Variants in ADGRA3 observed in about 807,000 individuals in gnomAD.
ADGRA3 encodes the protein adhesion G protein-coupled receptor A3.
A neutral mutation model predicts 119.8 loss-of-function variants in ADGRA3; 56 were observed. That is an observed-to-expected ratio of 0.47 (90% CI 0.38 to 0.58). ADGRA3 has a LOEUF of 0.58. Ranked by LOEUF, ADGRA3 falls within the 20% of genes least tolerant of loss-of-function variation. The pLI, the probability that ADGRA3 is intolerant of heterozygous loss-of-function variation, is 0.00. For synonymous variants in ADGRA3, 607 were observed against 623.8 expected, an observed-to-expected ratio of 0.97 and a Z score of 0.40; for missense variants, 1,516 against 1,649.0, an observed-to-expected ratio of 0.92 and a Z score of 1.40.
intron 2 of ADGRA3, among the ~76,000 whole-genome samples, chr4:22,468,493 G>A (rs576261382): frequency 1.3e-5 from 2 of 152,286 alleles, no homozygotes; most frequent in African/African-American, 2.4e-5. Flanking sequence ...GGGACTCGGT[G>A]CGGTGGTTCA....
At chr4:22,426,741 T>C (rs534556565) in intron 10 of ADGRA3, among the ~76,000 whole-genome samples, 1 of 152,324 alleles carries the variant, frequency 6.6e-6, no homozygotes, top group East Asian at 1.9e-4. Flanking sequence ...CAAGGGGTAC[T>C]TCCCCCCAAA....
chr4:22,453,460 T>C (rs1005639824), intron 4 of ADGRA3, among the ~76,000 whole-genome samples: 3 of 152,170 alleles, frequency 2.0e-5, no homozygotes, highest in African/African-American at 7.2e-5. Flanking sequence ...GCACGAACAT[T>C]CTGTTCTACT....
At chr4:22,514,612 C>T (rs1719573497) in intron 1 of ADGRA3, 3 of 152,144 alleles carry the variant, frequency 2.0e-5, no homozygotes, top group African/African-American at 7.2e-5. Flanking sequence ...CATAGAGGAA[C>T]CCCGAGCCAA....
At position 22,498,641 on chromosome 4, in the gene ADGRA3, C is replaced by T. The variant is rs191921792; in HGVS notation, c.257+16887G>A. On this transcript the variant is annotated intron_variant, in intron 1 of 18. Transcript: ENST00000334304. ...CAAAAAAGAAAAAAGGAGGGCCAGG[C>T]GCGGTGGCTCACGCCTGTAATCCCA... Among the ~76,000 whole-genome samples, 336 of 147,684 alleles carry T rather than the reference C, an allele frequency of 2.3e-3. 1 individual carries two copies. The highest frequency in any genetic ancestry group is 7.3e-3 in the African/African-American group (293 of 40,002).
chr4:22,387,889 C>T lies in ADGRA3; in HGVS notation c.3782G>A (p.Ser1261Asn). 1 of 1,614,132 alleles carries T rather than the reference C, an allele frequency of 6.2e-7. No homozygotes were observed. Residue 1261 changes from serine to asparagine, a missense_variant, in exon 19 of 19, where the codon AGT (serine) becomes AAT (asparagine). Transcript: ENST00000334304. ...RNFEKPVSTT[S>N]KKDALRKPAV... ...TGGCTTCCTTAACGCATCTTTTTTA[C>T]TAGTGGTTGAAACTGGCTTTTCAAA...
At chr4:22,460,309 CCAGCTA>C (rs1717396877) in intron 3 of ADGRA3, among the ~76,000 whole-genome samples, 2 of 152,174 alleles carry the variant, frequency 1.3e-5, no homozygotes, top group Admixed American at 6.5e-5. Context: ...AGGATTATTT[CCAGCTA>C]CAGGCAATTG....
At chr4:22,509,965 G>A (rs1370038582) in intron 1 of ADGRA3, among the ~76,000 whole-genome samples, 8 of 144,592 alleles carry the variant, frequency 5.5e-5, no homozygotes, top group African/African-American at 1.0e-4. Flanking sequence ...AGCCGAGATC[G>A]CGCCACTGCA....
At chr4:22,442,548 A>T in intron 7 of ADGRA3, 102 bp downstream of exon 7, 1 of 719,084 alleles carries the variant, frequency 1.4e-6, no homozygotes, top group Non-Finnish European at 2.2e-6. Flanking sequence ...AAATACAAGA[A>T]GATGAAATAT....
At position 22,515,540 on chromosome 4, in the gene ADGRA3, C is replaced by G. The variant is rs1577395945; in HGVS notation, c.245G>C (p.Arg82Pro). 1.9e-6 allele frequency: 3 copies of G among 1,594,920 alleles called. No individual in the cohort carries two copies. In the African/African-American group the frequency reaches 4.1e-5, roughly 22 times the overall value. ...GGGAGATACTCACAGGGTGACCGTG[C>G]GGTTGGGCAGAGTATCTGGGGGCAG... ...QVLPPDTLPN[R>P]TVTLILSNNK... is the part of the protein sequence containing the mutation. Residue 82 changes from arginine to proline, a missense_variant, in exon 1 of 19, where the codon CGC becomes CCC. Transcript: ENST00000334304.
intron 16 of ADGRA3, among the ~76,000 whole-genome samples, chr4:22,399,878 A>T (rs1714539062): frequency 6.6e-6 from 1 of 152,172 alleles, no homozygotes; most frequent in African/African-American, 2.4e-5. Flanking sequence ...TTAATCTTAA[A>T]AGGAATGGTC....
At chr4:22,450,936 GAAAAAAA>G (rs59216994) in intron 4 of ADGRA3, among the ~76,000 whole-genome samples, 1 of 126,076 alleles carries the variant, frequency 7.9e-6, no homozygotes. Context: ...GGATATAACA[GAAAAAAA>G]AAAAAAAAAT....
chr4:22,437,207 A>C (rs1415004614), intron 8 of ADGRA3, among the ~76,000 whole-genome samples: 1 of 152,230 alleles, frequency 6.6e-6, no homozygotes, highest in Non-Finnish European at 1.5e-5. Context: ...AATATTATAG[A>C]TCAATACCTA....
At chr4:22,410,367 T>C (rs557516078) in intron 14 of ADGRA3, among the ~76,000 whole-genome samples, 2 of 152,302 alleles carry the variant, frequency 1.3e-5, no homozygotes, top group South Asian at 4.1e-4. Context: ...CCAGATCATA[T>C]CATTCAAGCA....
intron 11 of ADGRA3, among the ~76,000 whole-genome samples, chr4:22,422,167 T>G (rs909700935): frequency 2.0e-5 from 3 of 152,112 alleles, no homozygotes; most frequent in Admixed American, 1.3e-4. Flanking sequence ...AGGGACAACA[T>G]GGCATCTCCC....
intron 10 of ADGRA3, among the ~76,000 whole-genome samples, chr4:22,433,085 TGTCA>T (rs1716252067): frequency 2.0e-5 from 3 of 152,204 alleles, no homozygotes; most frequent in Non-Finnish European, 2.9e-5. Context: ...AAGAACTGTA[TGTCA>T]GTCACTGCAT....
intron 10 of ADGRA3, among the ~76,000 whole-genome samples, chr4:22,428,319 C>T (rs1381093581): frequency 6.8e-6 from 1 of 147,914 alleles, no homozygotes; most frequent in East Asian, 2.0e-4. Flanking sequence ...TCTACAAGTG[C>T]TCAGAACATC....
intron 2 of ADGRA3, among the ~76,000 whole-genome samples, chr4:22,462,217 C>A (rs1232070103): frequency 1.3e-5 from 2 of 152,144 alleles, no homozygotes; most frequent in Non-Finnish European, 2.9e-5. Flanking sequence ...AAACCATCTT[C>A]AAAAATATAC....
rs576542489 is a variant in ADGRA3, at chr4:22,487,540, G to A, written c.258-13697C>T. Among the ~76,000 whole-genome samples, 12 of 152,194 alleles carry A rather than the reference G, an allele frequency of 7.9e-5. No individual in the cohort carries two copies. The East Asian group carries it at 1.6e-3, about 20-fold the overall frequency. ...TCCTAACAGGCCATGGACTAGTACC[G>A]GTCCAAGGTCTGGGGGTTGGTGACC... On this transcript the variant is annotated intron_variant, in intron 1 of 18. Transcript: ENST00000334304.
In ADGRA3 at chr4:22,413,736, C is replaced by T. The variant is rs745377198; in HGVS notation, c.1888G>A (p.Asp630Asn). 9.9e-6 allele frequency: 16 copies of T among 1,613,654 alleles called. No homozygotes were observed. The Admixed American group carries it at 1.8e-4, about 19-fold the overall frequency. The change falls in exon 13 of 19, where the codon GAT becomes AAT. Residue 630 changes from aspartate to asparagine, a missense_variant. Transcript: ENST00000334304. ...PKQKRELRPTDDSLYKLQLIA... is the reference protein window; with the variant it reads ...PKQKRELRPTNDSLYKLQLIA... ...AGTTGAAGCTTGTAAAGAGAGTCATCAGTTGGTCTGAGTTCTCTTTTTTGC... is the reference window on the plus strand; with the variant it reads ...AGTTGAAGCTTGTAAAGAGAGTCATTAGTTGGTCTGAGTTCTCTTTTTTGC...
Sources: gnomAD v4.1 joint callset for allele counts (sites outside exome capture counted in the v4.1 genomes callset) on GRCh38, gnomAD v4.1.1 for gene constraint, MANE v1.5 for transcripts, NCBI Gene and HGNC (gene_info 2026-07-23, HGNC 2026-07-21) for gene names.